RALGPS2: variants seen among roughly 807,000 people sequenced by gnomAD.
RALGPS2 encodes the protein Ral GEF with PH domain and SH3 binding motif 2.
In RALGPS2, 43 loss-of-function variants were observed where a neutral mutation model predicts 86.8. The observed-to-expected ratio is 0.50, with a 90% CI of 0.39 to 0.64. The LOEUF is 0.64. RALGPS2 is among the 30% of genes least tolerant of loss of function. The probability of loss-of-function intolerance (pLI) is 0.00; values close to 1 mark genes in which losing one functional copy is unlikely to be tolerated. For missense variants in RALGPS2, 536 were observed against 694.6 expected, an observed-to-expected ratio of 0.77 and a Z score of 2.57; for synonymous variants, 243 against 231.3, an observed-to-expected ratio of 1.05 and a Z score of -0.46.
At chr1:178,788,467 G>A (rs2102137203) in intron 4 of RALGPS2, among the ~76,000 whole-genome samples, 1 of 152,328 alleles carries the variant, frequency 6.6e-6, no homozygotes, top group Non-Finnish European at 1.5e-5. Flanking sequence ...TGTGAGGGTA[G>A]TGGGAGTTGC....
chr1:178,821,750 A>C (rs1655518885), intron 7 of RALGPS2, 46 bp downstream of exon 7: 1 of 1,349,256 alleles, frequency 7.4e-7, no homozygotes, highest in Non-Finnish European at 1.1e-6. Context: ...TTCCTGTGGA[A>C]AGGAAAGATA....
intron 8 of RALGPS2, among the ~76,000 whole-genome samples, chr1:178,868,057 A>G (rs2102344037): frequency 1.3e-5 from 2 of 152,106 alleles, no homozygotes; most frequent in Non-Finnish European, 2.9e-5. Context: ...AACAATCTGT[A>G]TTTCTATCGA....
intron 1 of RALGPS2, among the ~76,000 whole-genome samples, chr1:178,742,078 G>A (rs112359191): frequency 6.7e-6 from 1 of 149,822 alleles, no homozygotes; most frequent in Non-Finnish European, 1.5e-5. Flanking sequence ...AGAGGTGGCA[G>A]TGAGCTGAGA....
At position 178,749,832 on chromosome 1, in the gene RALGPS2, C is replaced by T. The variant is rs116944776; in HGVS notation, c.-84+24413C>T. ...CTTTCTGGCTGGGTGTGGTGGCTCACGCTTGTAATTCCAGCACTTTGGAAG... is the reference window on the plus strand; with the variant it reads ...CTTTCTGGCTGGGTGTGGTGGCTCATGCTTGTAATTCCAGCACTTTGGAAG... On this transcript the variant is annotated intron_variant, in intron 1 of 19. Coordinates refer to ENST00000367635, the MANE Select transcript of RALGPS2 (RefSeq NM_152663.5). Among the ~76,000 whole-genome samples the T allele has an allele frequency of 8.0e-4, 122 of 152,150 alleles. 2 individuals carry two copies. In the East Asian group the frequency reaches 0.022, roughly 27 times the overall value.
At chr1:178,909,914 G>T (rs373539739) in intron 19 of RALGPS2, among the ~76,000 whole-genome samples, 49 of 152,214 alleles carry the variant, frequency 3.2e-4, no homozygotes, top group African/African-American at 1.2e-3. Context: ...CTCCCAAAGT[G>T]CTGGGATTAC....
chr1:178,880,315 T>C lies in RALGPS2; in HGVS notation c.836+1323T>C, dbSNP rs76314774. Among the ~76,000 whole-genome samples, 438 of 152,312 alleles carry C rather than the reference T, an allele frequency of 2.9e-3. 1 individual carries two copies. The highest frequency in any genetic ancestry group is 0.01 in the African/African-American group (420 of 41,560). On this transcript the variant is annotated intron_variant, in intron 10 of 19. Transcript: ENST00000367635. ...ATGGCTATAGAAATTCTGGAAAACATCTAGGAATAATTTTTCTAAATGCAT... is the reference window on the plus strand; with the variant it reads ...ATGGCTATAGAAATTCTGGAAAACACCTAGGAATAATTTTTCTAAATGCAT...
rs150484440 is a variant in RALGPS2, at chr1:178,799,437, C to T, written c.214-8608C>T. Among the ~76,000 whole-genome samples the T allele has an allele frequency of 3.7e-3, 566 of 152,188 alleles. 4 individuals are homozygous for T. The highest frequency in any genetic ancestry group is 0.034 in the Middle Eastern group (10 of 294). ...GAGAGGCAAGCACCACAATTTAAGG[C>T]AGATGGGGATAGGCTAACTCTACTG... On this transcript the variant is annotated intron_variant, in intron 4 of 19. Transcript: ENST00000367635.
intron 1 of RALGPS2, among the ~76,000 whole-genome samples, chr1:178,770,968 C>T (rs770151758): frequency 1.3e-5 from 2 of 150,088 alleles, no homozygotes; most frequent in African/African-American, 2.5e-5. Context: ...CCTCTCTAGT[C>T]GCTGGGATTA....
At chr1:178,889,760 C>T (rs775077155) in intron 14 of RALGPS2, 64 bp downstream of exon 14, 1 of 1,181,632 alleles carries the variant, frequency 8.5e-7, no homozygotes, top group African/African-American at 1.6e-5. Context: ...TAATATAATA[C>T]AAATTTTCAG....
intron 8 of RALGPS2, among the ~76,000 whole-genome samples, chr1:178,848,498 T>G (rs998746699): frequency 6.6e-6 from 1 of 152,272 alleles, no homozygotes; most frequent in South Asian, 2.1e-4. Context: ...CAAGACTCTC[T>G]TTAGGCTGAA....
chr1:178,749,202 GC>G (rs2102039818), intron 1 of RALGPS2, among the ~76,000 whole-genome samples: 1 of 151,992 alleles, frequency 6.6e-6, no homozygotes, highest in African/African-American at 2.4e-5. Context: ...TTTAATTCAT[GC>G]AGGCTGGGTG....
intron 2 of RALGPS2, among the ~76,000 whole-genome samples, chr1:178,778,788 G>A (rs111501529): frequency 5.3e-5 from 8 of 150,874 alleles, no homozygotes; most frequent in African/African-American, 1.7e-4. Flanking sequence ...GTAAACTATC[G>A]CAAGAACAAA....
chr1:178,859,293 TAAG>T lies in RALGPS2; in HGVS notation c.608-18201_608-18199del, dbSNP rs530225849. Among the ~76,000 whole-genome samples, 408 of 152,238 alleles carry T rather than the reference TAAG, an allele frequency of 2.7e-3. 5 individuals carry two copies. Among genetic ancestry groups the T allele is most frequent in the Middle Eastern group, 0.01 (3 of 294 alleles). ...AACCAATTATACCTAAAAAGTATAT[TAAG>T]AAGCATTATAAATAATTTGAAAAAT... On this transcript the variant is annotated intron_variant, in intron 8 of 19. Coordinates refer to ENST00000367635, the MANE Select transcript of RALGPS2 (RefSeq NM_152663.5).
At chr1:178,813,093 C>T (rs185575736) in intron 6 of RALGPS2, among the ~76,000 whole-genome samples, 8 of 151,876 alleles carry the variant, frequency 5.3e-5, no homozygotes, top group Admixed American at 1.3e-4. Context: ...CCACCACACC[C>T]GGCTAATTTT....
rs71108081 is a variant in RALGPS2 at position 178,856,394 on chromosome 1, A to ATTTTTT, written c.608-21077_608-21072dup. Among the ~76,000 whole-genome samples, 98 of 36,430 alleles carry ATTTTTT rather than the reference A, an allele frequency of 2.7e-3. 20 individuals carry two copies. Among genetic ancestry groups the ATTTTTT allele is most frequent in the African/African-American group, 0.01 (69 of 6,866 alleles). The allele number at this position is 36,430 out of a possible 152,430, so 23.9% of individuals were successfully genotyped here. A position where few individuals can be genotyped will look rare whatever the true frequency, so the allele number is the denominator to read the frequency against. ...AGGCAAGTGCCACCCTGCCTGGCTA[A>ATTTTTT]TTTTTTTTTTTTTTTTTTTTTTTTT... On this transcript the variant is annotated intron_variant, in intron 8 of 19. Coordinates refer to ENST00000367635, the MANE Select transcript of RALGPS2 (RefSeq NM_152663.5).
At chr1:178,845,686 T>G (rs528952898) in intron 8 of RALGPS2, among the ~76,000 whole-genome samples, 13 of 152,312 alleles carry the variant, frequency 8.5e-5, no homozygotes, top group African/African-American at 2.9e-4. Context: ...CCTGATTTTT[T>G]TTGTTGTTGT....
intron 1 of RALGPS2, among the ~76,000 whole-genome samples, chr1:178,751,153 C>A (rs775731209): frequency 6.6e-6 from 1 of 152,162 alleles, no homozygotes; most frequent in East Asian, 1.9e-4. Flanking sequence ...CCCTCCCCCC[C>A]AAACCCTTAT....
chr1:178,824,799 ACT>A (rs1655674174), intron 7 of RALGPS2, among the ~76,000 whole-genome samples: 2 of 150,930 alleles, frequency 1.3e-5, no homozygotes, highest in Non-Finnish European at 2.9e-5. Flanking sequence ...ACAGAGCAAG[ACT>A]CTGTCTCAAA....
At chr1:178,793,541 G>A (rs774931608) in intron 4 of RALGPS2, among the ~76,000 whole-genome samples, 1 of 151,488 alleles carries the variant, frequency 6.6e-6, no homozygotes, top group Non-Finnish European at 1.5e-5. Flanking sequence ...TGCCCAGCCC[G>A]GGAGTCTTAA....
Sources: allele counts gnomAD v4.1 joint callset (sites outside exome capture counted in the v4.1 genomes callset), GRCh38; gene constraint gnomAD v4.1.1; transcripts MANE v1.5; gene names NCBI Gene and HGNC (gene_info 2026-07-23, HGNC 2026-07-21).